Variants in IRAK2 observed in about 807,000 individuals in gnomAD.
IRAK2 encodes interleukin-1 receptor-associated kinase-like 2.
A neutral mutation model predicts 72.0 loss-of-function variants in IRAK2; 57 were observed. The ratio of observed to expected loss-of-function variants is 0.79; its 90% CI spans 0.64 to 0.99. The LOEUF is 0.99. Among genes scored for constraint, IRAK2 ranks in the 50% least tolerant of loss-of-function variants. The pLI is 0.00. For synonymous variants in IRAK2, 293 were observed against 312.7 expected, an observed-to-expected ratio of 0.94 and a Z score of 0.67; for missense variants, 790 against 794.4, an observed-to-expected ratio of 0.99 and a Z score of 0.07.
chr3:10,237,963 G>GTA (rs1230039192), intron 11 of IRAK2, among the ~76,000 whole-genome samples: 1 of 151,258 alleles, frequency 6.6e-6, no homozygotes, highest in Non-Finnish European at 1.5e-5. Flanking sequence ...GTGTGTGTGT[G>GTA]TGTGAAGAAG....
Position 10,194,901 on chromosome 3 carries a change from C to T in IRAK2, c.278-5468C>T, listed in dbSNP as rs901479576. Among the ~76,000 whole-genome samples, 9 of 152,152 alleles carry T rather than the reference C, an allele frequency of 5.9e-5. No individual in the cohort carries two copies. The East Asian group carries it at 1.5e-3, about 26-fold the overall frequency. ...ACATGGGGCTCTGTTGGCTTACATC[C>T]GTGGCTGGTGTGACCTGGTGCCTCT... On this transcript the variant is annotated intron_variant, in intron 2 of 12. Coordinates refer to ENST00000256458, the MANE Select transcript of IRAK2 (RefSeq NM_001570.4).
intron 3 of IRAK2, among the ~76,000 whole-genome samples, chr3:10,202,848 C>T (rs186093113): frequency 2.0e-5 from 3 of 151,888 alleles, no homozygotes; most frequent in East Asian, 1.9e-4. Flanking sequence ...TACATCACTA[C>T]GGCCGGCTAA....
rs532236060 is a variant in IRAK2 at position 10,181,334 on chromosome 3, G to T, written c.277+3314G>T. On this transcript the variant is annotated intron_variant, in intron 2 of 12. Transcript: ENST00000256458. The stretch of plus-strand genomic sequence containing the variant: ...AAAAAAAAAAATAACCCTTGGCTGG[G>T]CATGGTGGCTCACGCGTGTAATCCC... Among the ~76,000 whole-genome samples the T allele has an allele frequency of 3.3e-5, 5 of 152,280 alleles. No homozygotes were observed. The East Asian group carries it at 9.6e-4, about 29-fold the overall frequency.
chr3:10,194,152 G>T (rs1267203558), intron 2 of IRAK2, among the ~76,000 whole-genome samples: 1 of 152,196 alleles, frequency 6.6e-6, no homozygotes, highest in Non-Finnish European at 1.5e-5. Flanking sequence ...TTATTATTCT[G>T]ATTCCACAGG....
intron 2 of IRAK2, among the ~76,000 whole-genome samples, chr3:10,189,321 G>A (rs1033671273): frequency 6.6e-6 from 1 of 152,210 alleles, no homozygotes; most frequent in Admixed American, 6.5e-5. Flanking sequence ...GGGGTGGGCT[G>A]AGGCTGGGGA....
At chr3:10,238,630 A>C in intron 11 of IRAK2, 118 bp from the exon 12 acceptor site, 1 of 978,490 alleles carries the variant, frequency 1.0e-6, no homozygotes, top group Non-Finnish European at 1.5e-6. Flanking sequence ...CAGACAAAAC[A>C]ACCAGCATTA....
rs377223551 is a variant in IRAK2 at position 10,177,549 on chromosome 3, C to T, written c.95-289C>T. 1.4e-4 allele frequency among the ~76,000 whole-genome samples: 22 copies of T among 152,312 alleles called. No individual in the cohort carries two copies. In the East Asian group the frequency reaches 2.7e-3, roughly 19 times the overall value. ...GAGCTAGTACCCACTGAGGCTCCCA[C>T]GGGCGCAGTGACTGCCCCAGGCATA... On this transcript the variant is annotated intron_variant, in intron 1 of 12. Transcript: ENST00000256458.
At chr3:10,229,473 A>T (rs1697827603) in intron 10 of IRAK2, among the ~76,000 whole-genome samples, 1 of 152,180 alleles carries the variant, frequency 6.6e-6, no homozygotes, top group African/African-American at 2.4e-5. Context: ...CAAGATACGG[A>T]ATATTTTTGT....
intron 3 of IRAK2, 144 bp downstream of exon 3, chr3:10,200,659 G>T: frequency 1.6e-6 from 1 of 609,942 alleles, no homozygotes. Context: ...AGCTCCGTGA[G>T]GCTGAGGCGG....
At chr3:10,197,769 G>T (rs1394120038) in intron 2 of IRAK2, among the ~76,000 whole-genome samples, 1 of 150,878 alleles carries the variant, frequency 6.6e-6, no homozygotes, top group Non-Finnish European at 1.5e-5. Flanking sequence ...GAAGAATGGC[G>T]TGAACCTGGG....
At chr3:10,165,748 T>A (rs1375449460) in intron 1 of IRAK2, among the ~76,000 whole-genome samples, 1 of 74,992 alleles carries the variant, frequency 1.3e-5, no homozygotes, top group South Asian at 4.6e-4. Flanking sequence ...TTTTTTTTTT[T>A]AAGACGGAGT....
chr3:10,220,863 T>C (rs1697676586), intron 8 of IRAK2, among the ~76,000 whole-genome samples: 1 of 152,164 alleles, frequency 6.6e-6, no homozygotes, highest in Non-Finnish European at 1.5e-5. Context: ...GTTTTGTTTC[T>C]TTTTTCACTT....
intron 10 of IRAK2, among the ~76,000 whole-genome samples, chr3:10,230,483 TGGC>T: frequency 6.6e-6 from 1 of 152,100 alleles, no homozygotes; most frequent in Non-Finnish European, 1.5e-5. Flanking sequence ...CCACTGTGCC[TGGC>T]ATCTGACAGG....
intron 10 of IRAK2, 85 bp from the exon 11 acceptor site, chr3:10,234,374 C>A: frequency 8.9e-7 from 1 of 1,120,806 alleles, no homozygotes. Flanking sequence ...GCATTTTTTG[C>A]AGCTCTGGAG....
chr3:10,171,449 T>G (rs893344562), intron 1 of IRAK2, among the ~76,000 whole-genome samples: 4 of 151,984 alleles, frequency 2.6e-5, no homozygotes, highest in African/African-American at 9.7e-5. Flanking sequence ...GGTGTGGGCA[T>G]TCGATTCTAA....
At chr3:10,239,434 C>T (rs535747417) in intron 12 of IRAK2, among the ~76,000 whole-genome samples, 7 of 152,308 alleles carry the variant, frequency 4.6e-5, no homozygotes, top group African/African-American at 1.7e-4. Flanking sequence ...GCCGGCCAGG[C>T]GAGGTGGCTC....
intron 2 of IRAK2, among the ~76,000 whole-genome samples, chr3:10,190,838 G>A (rs923081398): frequency 6.6e-6 from 1 of 152,208 alleles, no homozygotes; most frequent in Admixed American, 6.5e-5. Flanking sequence ...CTCACCTGAA[G>A]TCCAGTAAGG....
intron 2 of IRAK2, among the ~76,000 whole-genome samples, chr3:10,196,933 A>G (rs1697276690): frequency 6.6e-6 from 1 of 152,138 alleles, no homozygotes; most frequent in Non-Finnish European, 1.5e-5. Context: ...CGCTACTCAC[A>G]CTAGCTTGGA....
At chr3:10,216,883 G>A (rs1300083398) in intron 6 of IRAK2, 51 bp from the exon 7 acceptor site, 7 of 1,365,524 alleles carry the variant, frequency 5.1e-6, no homozygotes, top group Non-Finnish European at 7.3e-6. Flanking sequence ...TGAGGAAGTA[G>A]ATCATTCTTT....
Sources: gnomAD v4.1 joint callset for allele counts (sites outside exome capture counted in the v4.1 genomes callset) on GRCh38, gnomAD v4.1.1 for gene constraint, MANE v1.5 for transcripts, NCBI Gene and HGNC (gene_info 2026-07-23, HGNC 2026-07-21) for gene names.